The following NRXN1 variants were observed in gnomAD, a reference collection of about 807,000 sequenced individuals.
The protein encoded by NRXN1 is neurexin 1.
A neutral mutation model predicts 150.9 loss-of-function variants in NRXN1; 39 were observed. The observed-to-expected ratio is 0.26, with a 90% confidence interval of 0.20 to 0.34. The LOEUF (loss-of-function observed/expected upper bound fraction) is 0.34, where lower values mean the gene tolerates loss of function less well. NRXN1 is among the 10% of genes least tolerant of loss of function. The pLI, the probability that NRXN1 is intolerant of heterozygous loss-of-function variation, is 1.00. For missense variants in NRXN1, 1,815 were observed against 1,949.9 expected, an observed-to-expected ratio of 0.93 and a Z score of 1.30; for synonymous variants, 924 against 757.0, an observed-to-expected ratio of 1.22 and a Z score of -3.62.
intron 21 of NRXN1, among the ~76,000 whole-genome samples, chr2:50,014,904 A>C (rs1382363474): frequency 6.6e-6 from 1 of 152,132 alleles, no homozygotes; most frequent in Non-Finnish European, 1.5e-5. Flanking sequence ...CAGACATTTA[A>C]ATTTTAGGTA....
intron 8 of NRXN1, among the ~76,000 whole-genome samples, chr2:50,563,598 G>C (rs966553797): frequency 1.3e-5 from 2 of 152,276 alleles, no homozygotes; most frequent in Admixed American, 1.3e-4. Flanking sequence ...CTCTTTTCTA[G>C]AGGTGAGGGT....
chr2:49,966,801 G>A (rs543902797), intron 21 of NRXN1: 1 of 152,234 alleles, frequency 6.6e-6, no homozygotes, highest in South Asian at 2.1e-4. Flanking sequence ...CTGAAGTTGA[G>A]AAGAGAATTC....
chr2:50,924,793 T>C (rs1686613315), intron 3 of NRXN1, among the ~76,000 whole-genome samples: 1 of 151,720 alleles, frequency 6.6e-6, no homozygotes, highest in Non-Finnish European at 1.5e-5. Flanking sequence ...ATTATAATAT[T>C]ATCCATGTAC....
chr2:50,660,505 C>A (rs903942507), intron 5 of NRXN1, among the ~76,000 whole-genome samples: 1 of 151,932 alleles, frequency 6.6e-6, no homozygotes, highest in Non-Finnish European at 1.5e-5. Flanking sequence ...AAGTCACGAC[C>A]TAGTACCATT....
chr2:50,538,143 T>C (rs1224546817), intron 10 of NRXN1, 110 bp downstream of exon 10: 1 of 1,238,650 alleles, frequency 8.1e-7, no homozygotes, highest in East Asian at 2.4e-5. Flanking sequence ...CAAACAGAGT[T>C]TACTTCAGTA....
At position 50,144,846 on chromosome 2, in the gene NRXN1, A is replaced by G. The variant is rs545295258; in HGVS notation, c.3547-53352T>C. Reference sequence around the variant, plus strand: ...TCTTGAAAAGTTTATGTAACACTGTATACAACATGATAGAATATTTACCTA... The same window carrying G: ...TCTTGAAAAGTTTATGTAACACTGTGTACAACATGATAGAATATTTACCTA... On this transcript the variant is annotated intron_variant, in intron 18 of 22. Coordinates refer to ENST00000401669, the MANE Select transcript of NRXN1 (RefSeq NM_001330078.2). Among the ~76,000 whole-genome samples the G allele has an allele frequency of 1.3e-3, 197 of 151,904 alleles. 1 individual carries two copies. The highest frequency in any genetic ancestry group is 4.7e-3 in the African/African-American group (194 of 41,514).
intron 19 of NRXN1, among the ~76,000 whole-genome samples, chr2:50,058,285 T>C (rs1319558069): frequency 6.6e-6 from 1 of 152,068 alleles, no homozygotes; most frequent in East Asian, 1.9e-4. Context: ...GAAAATCGAA[T>C]AGGCAGTAGA....
intron 5 of NRXN1, among the ~76,000 whole-genome samples, chr2:50,873,159 T>C (rs1280521922): frequency 6.6e-6 from 1 of 151,868 alleles, no homozygotes; most frequent in African/African-American, 2.4e-5. Flanking sequence ...TTCTTTATAA[T>C]GAAGTAACCA....
intron 17 of NRXN1, among the ~76,000 whole-genome samples, chr2:50,238,382 T>C (rs1014048605): frequency 6.6e-6 from 1 of 152,016 alleles, no homozygotes; most frequent in African/African-American, 2.4e-5. Context: ...CAGTTGTCAG[T>C]CCCATAATCG....
chr2:50,338,453 G>A (rs924217730), intron 17 of NRXN1, among the ~76,000 whole-genome samples: 1 of 151,928 alleles, frequency 6.6e-6, no homozygotes, highest in Non-Finnish European at 1.5e-5. Context: ...CAATCTCTAC[G>A]TACATCCTCT....
chr2:50,984,579 G>A lies in NRXN1; in HGVS notation c.772+42923C>T, dbSNP rs191738467. On this transcript the variant is annotated intron_variant, in intron 2 of 22. Coordinates refer to ENST00000401669, the MANE Select transcript of NRXN1 (RefSeq NM_001330078.2). ...CTTTTCTTCCTGAGTCCTATAGGCT[G>A]AAGGCTATATCTGGGATAGAAAGGG... Among the ~76,000 whole-genome samples the A allele has an allele frequency of 2.6e-3, 388 of 152,126 alleles. 2 individuals are homozygous for A. Among genetic ancestry groups the A allele is most frequent in the Middle Eastern group, 0.014 (4 of 294 alleles).
chr2:50,053,477 G>T lies in NRXN1; in HGVS notation c.3922C>A (p.Leu1308Met). Residue 1308 changes from leucine to methionine, a missense_variant, in exon 21 of 23, where the codon CTG becomes ATG. This residue lies in a region of NRXN1 where 265 missense variants were observed against 307.1 expected (regional missense o/e 0.86). Coordinates refer to ENST00000401669, the MANE Select transcript of NRXN1 (RefSeq NM_001330078.2). Reference protein sequence around the residue: ...SGLYYNGLKVLNMAAENDANI... With the variant: ...SGLYYNGLKVMNMAAENDANI... Reference sequence around the variant, plus strand: ...GCATCGTTTTCGGCTGCCATATTCAGAACTTTCAAGCCATTGTAGTACAGC... The same window carrying T: ...GCATCGTTTTCGGCTGCCATATTCATAACTTTCAAGCCATTGTAGTACAGC... The T allele has an allele frequency of 6.2e-7, 1 of 1,614,036 alleles. No individual in the cohort carries two copies. Among genetic ancestry groups the T allele is most frequent in the Non-Finnish European group, 8.5e-7 (1 of 1,179,938 alleles).
intron 19 of NRXN1, among the ~76,000 whole-genome samples, chr2:50,063,904 A>G (rs1197625841): frequency 6.6e-6 from 1 of 152,142 alleles, no homozygotes; most frequent in East Asian, 1.9e-4. Flanking sequence ...GAACCCATAC[A>G]GTTATGCAAA....
intron 19 of NRXN1, among the ~76,000 whole-genome samples, chr2:50,079,946 A>C (rs545704645): frequency 6.6e-6 from 1 of 152,232 alleles, no homozygotes; most frequent in African/African-American, 2.4e-5. Context: ...TTAAATGGAA[A>C]ATTTTAGAAA....
intron 2 of NRXN1, among the ~76,000 whole-genome samples, chr2:50,987,327 G>A (rs1467527605): frequency 6.6e-6 from 1 of 151,854 alleles, no homozygotes; most frequent in Non-Finnish European, 1.5e-5. Context: ...TCTGGATGAT[G>A]TTGAAGCCAT....
intron 5 of NRXN1, among the ~76,000 whole-genome samples, chr2:50,784,874 G>A (rs1057010492): frequency 6.6e-6 from 1 of 152,062 alleles, no homozygotes; most frequent in Non-Finnish European, 1.5e-5. Flanking sequence ...CCTCTCTCCA[G>A]GGGCGTCTGA....
intron 21 of NRXN1, among the ~76,000 whole-genome samples, chr2:49,983,658 C>A (rs113486935): frequency 5.3e-5 from 8 of 151,998 alleles, no homozygotes; most frequent in Non-Finnish European, 1.2e-4. Flanking sequence ...CATACAGAAA[C>A]AACTTTTGTT....
At chr2:50,654,113 T>G (rs1390200352) in intron 5 of NRXN1, among the ~76,000 whole-genome samples, 2 of 150,314 alleles carry the variant, frequency 1.3e-5, no homozygotes, top group Non-Finnish European at 3.0e-5. Flanking sequence ...ATGTGCCATG[T>G]TGGTGTGCTG....
rs542214832 is a variant in NRXN1 at position 50,947,538 on chromosome 2, A to G, written c.773-21583T>C. Among the ~76,000 whole-genome samples the G allele has an allele frequency of 5.3e-5, 8 of 152,086 alleles. No homozygotes were observed. The East Asian group carries it at 9.6e-4, about 18-fold the overall frequency. On this transcript the variant is annotated intron_variant, in intron 2 of 22. Transcript: ENST00000401669. The stretch of plus-strand genomic sequence containing the variant: ...AGAACTAAGAAATTTTATTCTAGAC[A>G]AGATAATATACCCATTCATGATACA...
Sources: allele counts gnomAD v4.1 joint callset (sites outside exome capture counted in the v4.1 genomes callset), GRCh38; gene constraint gnomAD v4.1.1; regional missense constraint gnomAD v4.1.1; transcripts MANE v1.5; gene names NCBI Gene and HGNC (gene_info 2026-07-23, HGNC 2026-07-21).